CACNA1E: variants seen among roughly 807,000 people sequenced by gnomAD.
CACNA1E encodes the protein voltage-dependent R-type calcium channel subunit alpha-1E.
Under a neutral mutation model 259.2 loss-of-function variants are expected in CACNA1E, and 40 were observed. The observed-to-expected ratio is 0.15, with a 90% CI of 0.12 to 0.20. CACNA1E has a LOEUF of 0.20. Among genes scored for constraint, CACNA1E ranks in the 10% least tolerant of loss-of-function variants. CACNA1E has a pLI of 1.00. For synonymous variants in CACNA1E, 1,104 were observed against 1,138.5 expected (o/e 0.97, Z 0.61); for missense variants, 1,874 against 3,040.1 (o/e 0.62, Z 9.02).
chr1:181,580,482 C>A, intron 5 of CACNA1E, 113 bp from the exon 6 acceptor site: 1 of 980,298 alleles, frequency 1.0e-6, no homozygotes, highest in Non-Finnish European at 1.6e-6. Context: ...CAAAAAAGGG[C>A]AGGCCTCTTT....
At chr1:181,486,248 G>A (rs189175993) in intron 1 of CACNA1E, among the ~76,000 whole-genome samples, 1 of 152,334 alleles carries the variant, frequency 6.6e-6, no homozygotes, top group African/African-American at 2.4e-5. Context: ...CCCGAGCCCT[G>A]TCCCAATGGT....
intron 6 of CACNA1E, among the ~76,000 whole-genome samples, chr1:181,595,780 G>A (rs191556881): frequency 9.9e-5 from 15 of 152,224 alleles, no homozygotes; most frequent in Non-Finnish European, 1.6e-4. Context: ...CTTGGTCCAC[G>A]CTGTAGGACC....
At chr1:181,409,771 G>A (rs1003256132) in intron 1 of CACNA1E, among the ~76,000 whole-genome samples, 1 of 152,100 alleles carries the variant, frequency 6.6e-6, no homozygotes, top group African/African-American at 2.4e-5. Context: ...AATAATAGAA[G>A]GGTTGTTTAA....
intron 3 of CACNA1E, among the ~76,000 whole-genome samples, chr1:181,518,418 C>A (rs569051175): frequency 3.9e-5 from 6 of 152,274 alleles, no homozygotes; most frequent in Admixed American, 2.6e-4. Flanking sequence ...GCAGCATCTC[C>A]TTTTATCAGA....
At chr1:181,727,909 G>C (rs1444054128) in intron 18 of CACNA1E, among the ~76,000 whole-genome samples, 2 of 152,148 alleles carry the variant, frequency 1.3e-5, no homozygotes, top group Non-Finnish European at 2.9e-5. Flanking sequence ...GGTGTGCCAG[G>C]GTTGTGTGTT....
At chr1:181,518,852 A>C (rs1666786308) in intron 3 of CACNA1E, among the ~76,000 whole-genome samples, 1 of 152,228 alleles carries the variant, frequency 6.6e-6, no homozygotes. Context: ...CCATATGGAC[A>C]GAACTGAGTG....
intron 6 of CACNA1E, among the ~76,000 whole-genome samples, chr1:181,642,034 A>C (rs1657835441): frequency 6.6e-6 from 1 of 152,222 alleles, no homozygotes; most frequent in Non-Finnish European, 1.5e-5. Context: ...AATTATATAC[A>C]AAATAATAAG....
At chr1:181,557,317 C>T (rs958911823) in intron 3 of CACNA1E, among the ~76,000 whole-genome samples, 3 of 152,204 alleles carry the variant, frequency 2.0e-5, no homozygotes, top group South Asian at 2.1e-4. Context: ...GGAGCCTCTG[C>T]GTATTACTCA....
At chr1:181,383,877 C>G (rs1655642715) in intron 1 of CACNA1E, among the ~76,000 whole-genome samples, 1 of 152,202 alleles carries the variant, frequency 6.6e-6, no homozygotes. Context: ...TCATCCAGGC[C>G]TTTTCTCTTA....
At chr1:181,510,379 C>A in intron 1 of CACNA1E, 98 bp from the exon 2 acceptor site, 1 of 776,070 alleles carries the variant, frequency 1.3e-6, no homozygotes, top group Non-Finnish European at 2.3e-6. Context: ...ACTGCACAGA[C>A]ACAATGCGGG....
intron 6 of CACNA1E, among the ~76,000 whole-genome samples, chr1:181,633,165 C>A (rs1656899083): frequency 6.6e-6 from 1 of 152,044 alleles, no homozygotes; most frequent in Non-Finnish European, 1.5e-5. Flanking sequence ...AACTGGATGT[C>A]CCTTCAGAGG....
chr1:181,398,756 A>G (rs568985175), intron 1 of CACNA1E, among the ~76,000 whole-genome samples: 18 of 152,326 alleles, frequency 1.2e-4, no homozygotes, highest in African/African-American at 4.1e-4. Flanking sequence ...TCACTTTCAG[A>G]AACGAGGTCT....
intron 21 of CACNA1E, 27 bp downstream of exon 21, chr1:181,733,777 C>T: frequency 6.8e-7 from 1 of 1,470,172 alleles, no homozygotes; most frequent in Non-Finnish European, 9.1e-7. Flanking sequence ...TGTTCCCCTC[C>T]ACCCCCAACT....
chr1:181,487,192 C>T (rs1374211360), intron 1 of CACNA1E, among the ~76,000 whole-genome samples: 2 of 152,042 alleles, frequency 1.3e-5, no homozygotes, highest in African/African-American at 2.4e-5. Context: ...CACTGTAGGA[C>T]GAGGGGGATA....
At chr1:181,526,412 A>ATT (rs10605662) in intron 3 of CACNA1E, among the ~76,000 whole-genome samples, 2 of 142,996 alleles carry the variant, frequency 1.4e-5, no homozygotes, top group Non-Finnish European at 3.1e-5. Context: ...CATGGTCTGA[A>ATT]TTTTTTTTTT....
intron 6 of CACNA1E, among the ~76,000 whole-genome samples, chr1:181,603,826 G>C (rs1451856491): frequency 6.6e-6 from 1 of 152,202 alleles, no homozygotes. Context: ...GCCTCCGCCT[G>C]CCTGTCTCCC....
At chr1:181,775,627 A>G (rs1335809014) in intron 37 of CACNA1E, among the ~76,000 whole-genome samples, 1 of 152,204 alleles carries the variant, frequency 6.6e-6, no homozygotes, top group Non-Finnish European at 1.5e-5. Context: ...TGTATAGCCC[A>G]TGAAATAATG....
intron 1 of CACNA1E, 60 bp from the exon 2 acceptor site, chr1:181,510,417 G>A (rs1048356903): frequency 1.5e-5 from 17 of 1,110,526 alleles, no homozygotes; most frequent in Non-Finnish European, 2.2e-5. Flanking sequence ...TTATGGGCAC[G>A]GCCATCTTGG....
chr1:181,489,733 C>A (rs2102499502), intron 1 of CACNA1E, among the ~76,000 whole-genome samples: 1 of 152,306 alleles, frequency 6.6e-6, no homozygotes, highest in Admixed American at 6.5e-5. Flanking sequence ...CCTCTGTAAC[C>A]ATTTCTTTTC....
Sources: allele counts gnomAD v4.1 joint callset (sites outside exome capture counted in the v4.1 genomes callset), GRCh38; gene constraint gnomAD v4.1.1; transcripts MANE v1.5; gene names NCBI Gene and HGNC (gene_info 2026-07-23, HGNC 2026-07-21).